Variants in CDK17 observed in about 807,000 individuals in gnomAD.
CDK17 encodes the protein cyclin-dependent kinase 17.
CDK17 carries 24 observed loss-of-function variants against 77.6 expected under a neutral mutation model. The ratio of observed to expected loss-of-function variants is 0.31; its 90% confidence interval spans 0.22 to 0.44. CDK17 has a LOEUF of 0.44. CDK17 is among the 20% of genes least tolerant of loss of function. The pLI, the probability that CDK17 is intolerant of heterozygous loss-of-function variation, is 1.00. For synonymous variants in CDK17, 203 were observed against 210.4 expected, an observed-to-expected ratio of 0.96 and a Z score of 0.30; for missense variants, 429 against 622.5, an observed-to-expected ratio of 0.69 and a Z score of 3.31.
At chr12:96,304,429 C>T (rs892337205) in intron 5 of CDK17, among the ~76,000 whole-genome samples, 10 of 151,998 alleles carry the variant, frequency 6.6e-5, no homozygotes, top group Non-Finnish European at 1.2e-4. Context: ...CCCAGCTACT[C>T]GGGAGGCTGA....
chr12:96,366,046 T>C (rs1257231702), intron 1 of CDK17, among the ~76,000 whole-genome samples: 1 of 152,168 alleles, frequency 6.6e-6, no homozygotes, highest in Admixed American at 6.5e-5. Context: ...ATTCCACAAT[T>C]AGTAAGGAAA....
intron 1 of CDK17, among the ~76,000 whole-genome samples, chr12:96,360,210 T>C (rs1953470776): frequency 6.6e-6 from 1 of 152,192 alleles, no homozygotes; most frequent in African/African-American, 2.4e-5. Flanking sequence ...CAGCATACGT[T>C]TAGGTACTAA....
chr12:96,286,784 A>G lies in CDK17; in HGVS notation c.1119-23T>C, dbSNP rs1237800711. ...CCCCTTTAAAATAGATCATGAAAAT[A>G]ATTTAGCAATTCATTTACATATTAT... On this transcript the variant is annotated intron_variant, in intron 11 of 16. Transcript: ENST00000261211. 3 of 1,548,368 alleles carry G rather than the reference A, an allele frequency of 1.9e-6. No homozygotes were observed. The African/African-American group carries it at 4.1e-5, about 21-fold the overall frequency.
chr12:96,298,797 T>A (rs1354280909), intron 7 of CDK17, 72 bp downstream of exon 7: 2 of 786,182 alleles, frequency 2.5e-6, no homozygotes, highest in Non-Finnish European at 4.1e-6. Context: ...ATATCTGAGC[T>A]CTTTTTACTT....
chr12:96,286,167 T>C lies in CDK17; in HGVS notation c.1217-19A>G, dbSNP rs925767459. 4 of 639,102 alleles carry C rather than the reference T, an allele frequency of 6.3e-6. No individual in the cohort carries two copies. Among genetic ancestry groups the C allele is most frequent in the Non-Finnish European group, 9.3e-6 (4 of 431,042 alleles). The allele number at this position is 639,102 out of a possible 1,614,324, so 39.6% of individuals were successfully genotyped here. A position where few individuals can be genotyped will look rare whatever the true frequency, so the allele number is the denominator to read the frequency against. On this transcript the variant is annotated intron_variant, in intron 12 of 16. Transcript: ENST00000261211. ...GGAGTTCCTGAATTAAAAAAAAAAATTAAATATATTTATAAATATATATAA... is the reference window on the plus strand; with the variant it reads ...GGAGTTCCTGAATTAAAAAAAAAAACTAAATATATTTATAAATATATATAA...
In CDK17 at chr12:96,335,201, G is replaced by A. The variant is rs557461928; in HGVS notation, c.-29-336C>T. On this transcript the variant is annotated intron_variant, in intron 1 of 16. Transcript: ENST00000261211. ...ATATCAATATTATTTTGATGCTTAG[G>A]TTCCATAACATAAATATCAATCATT... is the stretch of plus-strand genomic sequence containing the variant. 6.6e-5 allele frequency: 23 copies of A among 349,968 alleles called. No individual in the cohort carries two copies. In the East Asian group the frequency reaches 1.7e-3, roughly 25 times the overall value. 21.7% of individuals were successfully genotyped at this position (349,968 alleles called of 1,614,324 possible). A position where few individuals can be genotyped will look rare whatever the true frequency, so the allele number is the denominator to read the frequency against.
intron 1 of CDK17, among the ~76,000 whole-genome samples, chr12:96,392,815 C>T (rs1954091860): frequency 6.6e-6 from 1 of 151,968 alleles, no homozygotes; most frequent in African/African-American, 2.4e-5. Context: ...AGAACAAAGC[C>T]CTAAATATAG....
At chr12:96,382,131 G>GAAAGGGATATCGC (rs1352095798) in intron 1 of CDK17, among the ~76,000 whole-genome samples, 4 of 144,288 alleles carry the variant, frequency 2.8e-5, no homozygotes, top group Admixed American at 1.4e-4. Context: ...GGGCGGGTGG[G>GAAAGGGATATCGC]AAAGGGATAT....
chr12:96,318,007 T>G (rs376206272), intron 3 of CDK17, among the ~76,000 whole-genome samples: 2 of 152,002 alleles, frequency 1.3e-5, no homozygotes, highest in South Asian at 4.2e-4. Context: ...GACTGGCAAG[T>G]TGGATAAAGA....
At chr12:96,389,837 T>G (rs1199931496) in intron 1 of CDK17, among the ~76,000 whole-genome samples, 1 of 1,686 alleles carries the variant, frequency 5.9e-4, no homozygotes, top group Non-Finnish European at 1.0e-3. Context: ...TGTTTTTTGT[T>G]TTTTTTTTTT....
At chr12:96,369,669 A>G (rs1953658382) in intron 1 of CDK17, among the ~76,000 whole-genome samples, 1 of 152,174 alleles carries the variant, frequency 6.6e-6, no homozygotes, top group Admixed American at 6.5e-5. Flanking sequence ...TCCTAGCTAC[A>G]CTTGGTGGCT....
Position 96,318,788 on chromosome 12 carries a change from G to A in CDK17, c.283+5160C>T, listed in dbSNP as rs879886376. ...CACAACATACCAGAATCTCTGGGAC[G>A]CATTCAAAGCAGTGTGTAGAGGGAA... On this transcript the variant is annotated intron_variant, in intron 3 of 16. Transcript: ENST00000261211. 6.1e-3 allele frequency among the ~76,000 whole-genome samples: 818 copies of A among 133,606 alleles called. 11 individuals carry two copies. The highest frequency in any genetic ancestry group is 0.038 in the Admixed American group (482 of 12,572). The allele number at this position is 133,606 out of a possible 152,430, so 87.7% of individuals were successfully genotyped here.
At position 96,318,281 on chromosome 12, in the gene CDK17, G is replaced by A. The variant is rs1272150695; in HGVS notation, c.284-4827C>T. Among the ~76,000 whole-genome samples, 3 of 151,870 alleles carry A rather than the reference G, an allele frequency of 2.0e-5. No individual in the cohort carries two copies. In the East Asian group the frequency reaches 5.8e-4, roughly 29 times the overall value. On this transcript the variant is annotated intron_variant, in intron 3 of 16. Transcript: ENST00000261211. ...AAATATATATGCACCCAATACAGGA[G>A]CACCCAGATTCATCAAGCAAGTCCT...
At chr12:96,389,745 A>G (rs1433448667) in intron 1 of CDK17, among the ~76,000 whole-genome samples, 1 of 152,220 alleles carries the variant, frequency 6.6e-6, no homozygotes, top group African/African-American at 2.4e-5. Flanking sequence ...AGACGTTACC[A>G]AGCCATAATC....
At chr12:96,308,922 C>A (rs969902913) in intron 5 of CDK17, among the ~76,000 whole-genome samples, 1 of 151,988 alleles carries the variant, frequency 6.6e-6, no homozygotes, top group Non-Finnish European at 1.5e-5. Context: ...CTGATTGCCA[C>A]ATCATCCTTA....
intron 9 of CDK17, among the ~76,000 whole-genome samples, chr12:96,296,486 A>AT (rs1555199725): frequency 1.3e-5 from 2 of 152,184 alleles, no homozygotes; most frequent in Admixed American, 6.5e-5. Context: ...CAAACTTAAT[A>AT]TTTTTTTAAA....
intron 2 of CDK17, among the ~76,000 whole-genome samples, chr12:96,334,263 G>C (rs112145228): frequency 2.2e-4 from 34 of 152,156 alleles, no homozygotes; most frequent in African/African-American, 8.2e-4. Context: ...TTTAACATCT[G>C]GATACTACTA....
intron 1 of CDK17, among the ~76,000 whole-genome samples, chr12:96,367,336 C>A (rs1257174252): frequency 1.1e-5 from 1 of 87,062 alleles, no homozygotes; most frequent in Non-Finnish European, 2.0e-5. Context: ...CAGAATGAGA[C>A]TCCACCTCAA....
chr12:96,295,365 T>C (rs747183285), intron 9 of CDK17: 2 of 254,284 alleles, frequency 7.9e-6, no homozygotes, highest in Non-Finnish European at 1.5e-5. Flanking sequence ...TATGGAAATA[T>C]TTTTTAAAAA....
Sources: gnomAD v4.1 joint callset for allele counts (sites outside exome capture counted in the v4.1 genomes callset) on GRCh38, gnomAD v4.1.1 for gene constraint, MANE v1.5 for transcripts, NCBI Gene and HGNC (gene_info 2026-07-23, HGNC 2026-07-21) for gene names.